MED30: variants seen among roughly 807,000 people sequenced by gnomAD.
MED30 encodes mediator complex subunit 30, also known as mediator of RNA polymerase II transcription subunit 30.
Under a neutral mutation model 21.7 loss-of-function variants are expected in MED30, and 8 were observed. The ratio of observed to expected loss-of-function variants is 0.37; its 90% CI spans 0.22 to 0.67. The LOEUF (loss-of-function observed/expected upper bound fraction) is 0.67. Among genes scored for constraint, MED30 ranks in the 30% least tolerant of loss-of-function variants. The pLI is 0.58. For synonymous variants in MED30, 79 were observed against 86.7 expected (o/e 0.91, Z 0.49); for missense variants, 203 against 228.2 (o/e 0.89, Z 0.71).
At chr8:117,535,882 T>G (rs893148797) in intron 3 of MED30, among the ~76,000 whole-genome samples, 1 of 152,108 alleles carries the variant, frequency 6.6e-6, no homozygotes, top group Non-Finnish European at 1.5e-5. Flanking sequence ...ATAAAATGCA[T>G]AGTTTTTAAT....
rs1049785141 is a variant in MED30 at position 117,523,552 on chromosome 8, T to C, written c.177+2499T>C. 100 of 1,600,916 alleles carry C rather than the reference T, an allele frequency of 6.2e-5. 1 individual carries two copies. Among genetic ancestry groups the C allele is most frequent in the Middle Eastern group, 4.3e-4 (2 of 4,680 alleles). On this transcript the variant is annotated intron_variant, in intron 1 of 3. Transcript: ENST00000297347. ...ATACTGGATACCCTCATTGGTAAGG[T>C]ACCAGTAGAAATGTCTCCAGGCAAA...
In MED30 at chr8:117,534,109, A is replaced by G. The variant is rs571030344; in HGVS notation, c.441+3282A>G. 4.6e-5 allele frequency among the ~76,000 whole-genome samples: 7 copies of G among 151,682 alleles called. No individual in the cohort carries two copies. The South Asian group carries it at 1.5e-3, about 32-fold the overall frequency. On this transcript the variant is annotated intron_variant, in intron 3 of 3. Coordinates refer to ENST00000297347, the MANE Select transcript of MED30 (RefSeq NM_080651.4). ...TCTTTTAACCATTCCTCCAGTTTTC[A>G]TTCCCAGGGCTCACCTGGTGCCTCT...
At chr8:117,523,597 C>T (rs542249067) in intron 1 of MED30, 12 of 1,601,714 alleles carry the variant, frequency 7.5e-6, no homozygotes, top group African/African-American at 1.3e-5. Context: ...CACGTAGCCT[C>T]AGGACTTGAG....
At chr8:117,523,211 T>G (rs1028702304) in intron 1 of MED30, 7 of 433,480 alleles carry the variant, frequency 1.6e-5, no homozygotes, top group African/African-American at 2.6e-5. Flanking sequence ...TTTTTTTAAG[T>G]TTTTTTTTTT....
At chr8:117,525,467 C>T (rs1374538971) in intron 1 of MED30, among the ~76,000 whole-genome samples, 2 of 151,532 alleles carry the variant, frequency 1.3e-5, no homozygotes, top group Non-Finnish European at 2.9e-5. Context: ...TACCTTTTGG[C>T]TCTGCTAATG....
chr8:117,529,854 G>A (rs554775279), intron 2 of MED30, among the ~76,000 whole-genome samples: 1 of 152,058 alleles, frequency 6.6e-6, no homozygotes, highest in East Asian at 1.9e-4. Flanking sequence ...CACAGGAATG[G>A]AGACTAATCG....
intron 2 of MED30, 69 bp from the exon 3 acceptor site, chr8:117,530,654 T>G: frequency 9.4e-7 from 1 of 1,066,650 alleles, no homozygotes; most frequent in Non-Finnish European, 1.4e-6. Flanking sequence ...ATCTGATATA[T>G]TCTCTATACA....
chr8:117,539,543 G>A (rs769466317), intron 3 of MED30, among the ~76,000 whole-genome samples: 16 of 152,078 alleles, frequency 1.1e-4, no homozygotes, highest in Admixed American at 2.0e-4. Flanking sequence ...GCTCTTGACC[G>A]TTAGGTTATG....
At chr8:117,521,439 GTCC>G (rs771218200) in intron 1 of MED30, among the ~76,000 whole-genome samples, 4 of 152,082 alleles carry the variant, frequency 2.6e-5, no homozygotes, top group African/African-American at 7.2e-5. Context: ...TAAAAAAACA[GTCC>G]TCCTTTTTTT....
At chr8:117,537,109 TAGTA>T (rs1818891587) in intron 3 of MED30, among the ~76,000 whole-genome samples, 1 of 152,352 alleles carries the variant, frequency 6.6e-6, no homozygotes, top group Admixed American at 6.5e-5. Flanking sequence ...TTGAAAAAGA[TAGTA>T]GGTAGTATTT....
At chr8:117,537,704 T>C (rs1431938361) in intron 3 of MED30, among the ~76,000 whole-genome samples, 1 of 152,194 alleles carries the variant, frequency 6.6e-6, no homozygotes, top group African/African-American at 2.4e-5. Context: ...AGTAGTCTTA[T>C]TGGTAGGTTA....
chr8:117,539,447 G>GC (rs1250754169), intron 3 of MED30, among the ~76,000 whole-genome samples: 1 of 151,642 alleles, frequency 6.6e-6, no homozygotes, highest in Non-Finnish European at 1.5e-5. Flanking sequence ...CCAAGATTGC[G>GC]CCACTGCACT....
intron 1 of MED30, chr8:117,523,571 A>G (rs1488304204): frequency 6.2e-7 from 1 of 1,601,728 alleles, no homozygotes; most frequent in African/African-American, 1.3e-5. Flanking sequence ...AAATGTCTCC[A>G]GGCAAACTGT....
intron 2 of MED30, among the ~76,000 whole-genome samples, chr8:117,529,293 A>G (rs975128683): frequency 6.6e-6 from 1 of 151,886 alleles, no homozygotes; most frequent in Non-Finnish European, 1.5e-5. Flanking sequence ...TATTTAGTTA[A>G]TTAGGCATAT....
chr8:117,539,788 G>A (rs1818947415), intron 3 of MED30, 95 bp from the exon 4 acceptor site: 1 of 736,332 alleles, frequency 1.4e-6, no homozygotes, highest in East Asian at 2.9e-5. Flanking sequence ...ATTTCTGTCT[G>A]TATCATTATA....
chr8:117,521,010 T>A lies in MED30; in HGVS notation c.134T>A (p.Val45Glu). The change falls in exon 1 of 4, where the codon GTG (valine) becomes GAG (glutamate). Residue 45 changes from valine (V) to glutamate (E), a missense_variant. By Grantham distance (121) the Val-to-Glu change is moderately radical. Coordinates refer to ENST00000297347, the MANE Select transcript of MED30 (RefSeq NM_080651.4). ...RIGQETVQDI[V>E]YRTMEIFQLL... The stretch of plus-strand genomic sequence containing the variant: ...GGGCAGGAGACAGTGCAGGACATCG[T>A]GTACCGCACCATGGAGATCTTCCAG... The A allele has an allele frequency of 6.2e-7, 1 of 1,605,506 alleles. No homozygotes were observed. The highest frequency in any genetic ancestry group is 8.5e-7 in the Non-Finnish European group (1 of 1,174,766).
chr8:117,528,632 C>A lies in MED30; in HGVS notation c.178-19C>A. ...TTTTTCATTACTTGATATTTTTATT[C>A]TTTGTTTTTCCTGATAAGCTGCCAA... On this transcript the variant is annotated intron_variant, in intron 1 of 3. Transcript: ENST00000297347. 1 of 1,527,064 alleles carries A rather than the reference C, an allele frequency of 6.5e-7. No individual in the cohort carries two copies. The highest frequency in any genetic ancestry group is 8.8e-7 in the Non-Finnish European group (1 of 1,139,240). The allele number at this position is 1,527,064 out of a possible 1,614,324, so 94.6% of individuals were successfully genotyped here.
chr8:117,530,920 C>G, intron 3 of MED30, 93 bp downstream of exon 3: 1 of 868,856 alleles, frequency 1.2e-6, no homozygotes, highest in Non-Finnish European at 1.8e-6. Flanking sequence ...TTTGAATTAT[C>G]AAATTACATG....
At chr8:117,530,678 C>G in intron 2 of MED30, 45 bp from the exon 3 acceptor site, 1 of 1,406,960 alleles carries the variant, frequency 7.1e-7, no homozygotes, top group Non-Finnish European at 9.9e-7. Context: ...GATTAGAAAA[C>G]TTGAATTATA....
Sources: allele counts gnomAD v4.1 joint callset (sites outside exome capture counted in the v4.1 genomes callset), GRCh38; gene constraint gnomAD v4.1.1; transcripts MANE v1.5; gene names NCBI Gene and HGNC (gene_info 2026-07-23, HGNC 2026-07-21).